Variants in MICAL1 observed in about 807,000 individuals in gnomAD.
The protein encoded by MICAL1 is microtubule associated monooxygenase, calponin and LIM domain containing 1.
MICAL1 carries 95 observed loss-of-function variants against 131.8 expected under a neutral mutation model. That is an observed-to-expected ratio of 0.72 (90% confidence interval 0.61 to 0.86). MICAL1 has a LOEUF of 0.86. Among genes scored for constraint, MICAL1 ranks in the 40% least tolerant of loss-of-function variants. The pLI is 0.00. For synonymous variants in MICAL1, 546 were observed against 554.2 expected (o/e 0.99, Z 0.21); for missense variants, 1,292 against 1,380.6 (o/e 0.94, Z 1.02).
Position 109,450,294 on chromosome 6 carries a change from C to T in MICAL1, c.1191+6G>A. On this transcript the variant is annotated splice_donor_region_variant and intron_variant, in intron 8 of 24. Transcript: ENST00000358807. ...ATGAAACCCCTGTGCCTCCTGAACC[C>T]CTCACCTCCACCAGGCAGTCCCCCA... 6.2e-7 allele frequency: 1 copy of T among 1,600,598 alleles called. No individual in the cohort carries two copies.
intron 3 of MICAL1, 42 bp from the exon 4 acceptor site, chr6:109,453,409 C>T: frequency 6.3e-7 from 1 of 1,592,432 alleles, no homozygotes; most frequent in Non-Finnish European, 8.6e-7. Flanking sequence ...CCTAGGGCAG[C>T]ACAAGCTCCC....
chr6:109,446,956 GAGAACGAA>G, intron 17 of MICAL1, 109 bp downstream of exon 17: 1 of 1,360,232 alleles, frequency 7.4e-7, no homozygotes, highest in South Asian at 1.3e-5. Flanking sequence ...CTGAGCTCAG[GAGAACGAA>G]GTGCCATCTT....
rs1176245694 is a variant in MICAL1 at position 109,453,855 on chromosome 6, C to A, written c.259-10G>T. 8 of 1,612,856 alleles carry A rather than the reference C, an allele frequency of 5.0e-6. No homozygotes were observed. The highest frequency in any genetic ancestry group is 6.8e-6 in the Non-Finnish European group (8 of 1,179,828). Reference sequence around the variant, plus strand: ...CACCCACCACCAGGCACTGTGAACACACAGGGCAGTGAGGGCATGGCATCC... The same window carrying A: ...CACCCACCACCAGGCACTGTGAACAAACAGGGCAGTGAGGGCATGGCATCC... On this transcript the variant is annotated splice_polypyrimidine_tract_variant and intron_variant, in intron 2 of 24. Coordinates refer to ENST00000358807, the MANE Select transcript of MICAL1 (RefSeq NM_022765.4).
intron 5 of MICAL1, 21 bp from the exon 6 acceptor site, chr6:109,452,422 AC>A: frequency 6.2e-7 from 1 of 1,612,830 alleles, no homozygotes; most frequent in Non-Finnish European, 8.5e-7. Context: ...CGGTAGGTGA[AC>A]AATGGCAGGA....
intron 1 of MICAL1, chr6:109,465,560 G>A: frequency 8.1e-7 from 1 of 1,234,200 alleles, no homozygotes; most frequent in Non-Finnish European, 1.1e-6. Flanking sequence ...CAGAAAAACT[G>A]AGATCAATGC....
At chr6:109,460,441 A>G (rs964846813), upstream of MICAL1, among the ~76,000 whole-genome samples, 5 of 151,436 alleles carry the variant, frequency 3.3e-5, no homozygotes, top group Admixed American at 2.0e-4. Context: ...AAAAAAAAAA[A>G]AAAGAAATGT....
Position 109,444,938 on chromosome 6 carries a change from T to C in MICAL1, c.2939A>G (p.Lys980Arg). ...WVGQLLQLVDKKNSLVAEEAE... is the reference protein window; with the variant it reads ...WVGQLLQLVDRKNSLVAEEAE... The stretch of plus-strand genomic sequence containing the variant: ...CTCCTCAGCCACCAGGCTGTTTTTC[T>C]TGTCAACGAGCTGTAGCAGCTGTCC... The change falls in exon 23 of 25, where the codon AAG becomes AGG. Residue 980 changes from lysine to arginine, a missense_variant. Transcript: ENST00000358807. 6.2e-7 allele frequency: 1 copy of C among 1,614,142 alleles called. No homozygotes were observed. The highest frequency in any genetic ancestry group is 2.2e-5 in the East Asian group (1 of 44,868).
At chr6:109,464,986 G>A (rs1464484400) in intron 1 of MICAL1, 2 of 152,210 alleles carry the variant, frequency 1.3e-5, no homozygotes, top group Non-Finnish European at 2.9e-5. Flanking sequence ...ACTGAATAAA[G>A]TTTTATGTTC....
At chr6:109,465,906 G>A in exon 1 of MICAL1, 2 of 1,614,166 alleles carry the variant, frequency 1.2e-6, no homozygotes, top group Non-Finnish European at 8.5e-7. Context: ...AGTGGGTGGT[G>A]GCGGACCAGG....
intron 1 of MICAL1, chr6:109,465,447 G>T: frequency 1.7e-6 from 1 of 592,294 alleles, no homozygotes; most frequent in Non-Finnish European, 3.0e-6. Flanking sequence ...AAACCATTCT[G>T]CCCAGTTCAA....
At position 109,446,354 on chromosome 6, in the gene MICAL1, G is replaced by T. The variant is rs183276533; in HGVS notation, c.2363C>A (p.Ser788Ter). 2 of 1,613,442 alleles carry T rather than the reference G, an allele frequency of 1.2e-6. No individual in the cohort carries two copies. Among genetic ancestry groups the T allele is most frequent in the Non-Finnish European group, 1.7e-6 (2 of 1,179,944 alleles). Residue 788 changes from serine to a stop codon, truncating the protein, a stop_gained, in exon 19 of 25, where the codon TCG (serine) becomes TAG (stop). Transcript: ENST00000358807. LOFTEE classifies it high-confidence loss of function. ...TGGAACAGGACCGGCCCCCTCCTGC[G>T]AGGCTGTGGGAGTTGAGAGGCCTGG... ...MPPGLSTPTA[S>*]QEGAGPVPDP...
At chr6:109,454,374 A>G in intron 1 of MICAL1, 135 bp from the exon 2 acceptor site, 1 of 910,970 alleles carries the variant, frequency 1.1e-6, no homozygotes, top group Non-Finnish European at 1.6e-6. Context: ...CTCCCAGCCC[A>G]TTCCCCTGCC....
intron 1 of MICAL1, among the ~76,000 whole-genome samples, chr6:109,462,014 TC>T (rs1775899482): frequency 6.7e-6 from 1 of 149,356 alleles, no homozygotes; most frequent in South Asian, 2.1e-4. Context: ...CAGACACTGC[TC>T]CCCTCCTCAC....
chr6:109,449,127 A>G (rs1775391237), intron 11 of MICAL1: 2 of 662,322 alleles, frequency 3.0e-6, no homozygotes, highest in Admixed American at 4.8e-5. Flanking sequence ...AGGGCAGCAG[A>G]CTAAACTGGG....
At chr6:109,452,200 C>G (rs370932611) in intron 6 of MICAL1, 46 bp downstream of exon 6, 109 of 1,577,602 alleles carry the variant, frequency 6.9e-5, no homozygotes, top group Non-Finnish European at 7.8e-5. Context: ...GGAGCCAGGC[C>G]ACAGTCAGGC....
At position 109,446,309 on chromosome 6, in the gene MICAL1, C is replaced by T. The variant is rs778191728; in HGVS notation, c.2408G>A (p.Arg803His). The T allele has an allele frequency of 2.4e-5, 38 of 1,613,502 alleles. No homozygotes were observed. The highest frequency in any genetic ancestry group is 1.6e-4 in the Middle Eastern group (1 of 6,082). Reference protein sequence around the residue: ...GPVPDPSQPTRRQIRLSSPER... With the variant: ...GPVPDPSQPTHRQIRLSSPER... Reference sequence around the variant, plus strand: ...CGGGCTGGAGAGGCGGATCTGCCGACGGGTGGGCTGGCTGGGATCTGGAAC... The same window carrying T: ...CGGGCTGGAGAGGCGGATCTGCCGATGGGTGGGCTGGCTGGGATCTGGAAC... Residue 803 changes from arginine to histidine, a missense_variant, in exon 19 of 25, where the codon CGT becomes CAT. Arg to His is a conservative substitution (Grantham distance 29). Coordinates refer to ENST00000358807, the MANE Select transcript of MICAL1 (RefSeq NM_022765.4).
chr6:109,448,857 C>A lies in MICAL1; in HGVS notation c.1539G>T (p.Glu513Asp). Reference sequence around the variant, plus strand: ...TCTGCTCCTGGCACCAGCGTAGCAGCTCCTCCTGGGTGCCTGCCGACCCTG... The same window carrying A: ...TCTGCTCCTGGCACCAGCGTAGCAGATCCTCCTGGGTGCCTGCCGACCCTG... ...PATGSAGTQE[E>D]LLRWCQEQTA... Residue 513 changes from glutamate (E) to aspartate (D), a missense_variant, in exon 12 of 25, where the codon GAG (glutamate) becomes GAT (aspartate). Glu to Asp is a conservative substitution (Grantham distance 45, BLOSUM62 2). Transcript: ENST00000358807. 2 of 1,613,862 alleles carry A rather than the reference C, an allele frequency of 1.2e-6. No individual in the cohort carries two copies. Among genetic ancestry groups the A allele is most frequent in the South Asian group, 2.2e-5 (2 of 91,090 alleles).
chr6:109,453,519 G>A, intron 3 of MICAL1, 119 bp downstream of exon 3: 1 of 1,502,150 alleles, frequency 6.7e-7, no homozygotes, highest in South Asian at 1.3e-5. Context: ...GAATCTTCAA[G>A]GTCACCTGGC....
chr6:109,447,561 TG>T (rs893767246), intron 15 of MICAL1, 119 bp downstream of exon 15: 26 of 1,484,356 alleles, frequency 1.8e-5, no homozygotes, highest in Non-Finnish European at 2.3e-5. Flanking sequence ...GGAGGCTGGA[TG>T]GGGGGGTTAC....
Sources: gnomAD v4.1 joint callset for allele counts (sites outside exome capture counted in the v4.1 genomes callset) on GRCh38, gnomAD v4.1.1 for gene constraint, MANE v1.5 for transcripts, NCBI Gene and HGNC (gene_info 2026-07-23, HGNC 2026-07-21) for gene names.